The following ARHGAP24 variants were observed in gnomAD, a reference collection of about 807,000 sequenced individuals.
ARHGAP24 encodes Rho GTPase activating protein 24.
In ARHGAP24, 50 loss-of-function variants were observed where a neutral mutation model predicts 76.4. The ratio of observed to expected loss-of-function variants is 0.65; its 90% CI spans 0.52 to 0.83. The LOEUF (loss-of-function observed/expected upper bound fraction) is 0.83, where lower values mean the gene tolerates loss of function less well. Ranked by LOEUF, ARHGAP24 falls within the 40% of genes least tolerant of loss-of-function variation. ARHGAP24 has a pLI of 0.00. For missense variants in ARHGAP24, 930 were observed against 914.2 expected (o/e 1.02, Z -0.22); for synonymous variants, 345 against 323.3 (o/e 1.07, Z -0.72).
chr4:85,838,787 A>G (rs549380859), intron 3 of ARHGAP24, among the ~76,000 whole-genome samples: 64 of 149,432 alleles, frequency 4.3e-4, no homozygotes, highest in Non-Finnish European at 7.0e-4. Flanking sequence ...TCCCTCCCCC[A>G]CTAAGTCCAT....
At chr4:85,596,458 A>T (rs1375379931) in intron 2 of ARHGAP24, among the ~76,000 whole-genome samples, 1 of 152,012 alleles carries the variant, frequency 6.6e-6, no homozygotes, top group Admixed American at 6.6e-5. Context: ...TGTTCCAGTG[A>T]TGTTTGTGTA....
intron 2 of ARHGAP24, among the ~76,000 whole-genome samples, chr4:85,713,863 C>T (rs1484329468): frequency 2.0e-5 from 3 of 152,086 alleles, no homozygotes; most frequent in Non-Finnish European, 4.4e-5. Flanking sequence ...ACAAAGAGCA[C>T]CTCAAGAAAG....
chr4:85,877,257 G>T (rs1349109264), intron 3 of ARHGAP24, among the ~76,000 whole-genome samples: 2 of 152,132 alleles, frequency 1.3e-5, no homozygotes, highest in Non-Finnish European at 2.9e-5. Context: ...GCAGGGTAGT[G>T]TAGGAAAGCA....
In ARHGAP24 at chr4:85,610,443, TCCATCTACAAAAAAAAAAAAAAAAAAA is replaced by T. The variant is rs1248568717; in HGVS notation, c.180+39723_180+39749del. 4.9e-5 allele frequency among the ~76,000 whole-genome samples: 4 copies of T among 81,430 alleles called. No individual in the cohort carries two copies. In the East Asian group the frequency reaches 1.6e-3, roughly 32 times the overall value. The allele number at this position is 81,430 out of a possible 152,430, so 53.4% of individuals were successfully genotyped here. A position where few individuals can be genotyped will look rare whatever the true frequency, so the allele number is the denominator to read the frequency against. On this transcript the variant is annotated intron_variant, in intron 2 of 9. Transcript: ENST00000395184. ...TGGGCCACAGAGTGAGGAGTGAGAC[TCCATCTACAAAAAAAAAAAAAAAAAAA>T]AAAAAAAAAAAAGAAAGCACCCTTA...
intron 1 of ARHGAP24, among the ~76,000 whole-genome samples, chr4:85,532,820 A>G (rs1329686035): frequency 6.6e-6 from 1 of 152,222 alleles, no homozygotes. Context: ...TCCTTAATGT[A>G]TAAACTGCTT....
At position 85,570,572 on chromosome 4, in the gene ARHGAP24, C is replaced by T; in HGVS notation, c.31C>T (p.Pro11Ser). 1.2e-6 allele frequency: 2 copies of T among 1,613,980 alleles called. No homozygotes were observed. The highest frequency in any genetic ancestry group is 1.3e-5 in the African/African-American group (1 of 74,976). MEENNDSTENPQQGQGRQNAI... is the reference protein window; with the variant it reads MEENNDSTENSQQGQGRQNAI... Reference sequence around the variant, plus strand: ...GGAGAACAATGACTCCACGGAGAACCCCCAACAAGGCCAAGGGCGGCAGAA... The same window carrying T: ...GGAGAACAATGACTCCACGGAGAACTCCCAACAAGGCCAAGGGCGGCAGAA... Residue 11 changes from proline to serine, a missense_variant, in exon 2 of 10, where the codon CCC (proline) becomes TCC (serine). Transcript: ENST00000395184.
chr4:85,990,123 TA>T (rs1455446244), intron 8 of ARHGAP24: 2 of 151,798 alleles, frequency 1.3e-5, no homozygotes, highest in Non-Finnish European at 3.0e-5. Context: ...AGTCAATTTA[TA>T]AAACTTTATT....
chr4:85,952,942 G>T (rs1017096841), intron 5 of ARHGAP24, among the ~76,000 whole-genome samples: 4 of 151,928 alleles, frequency 2.6e-5, no homozygotes, highest in African/African-American at 9.7e-5. Flanking sequence ...AGTTTTGAGG[G>T]GACAAAAATG....
chr4:85,827,797 G>A (rs959806090), intron 3 of ARHGAP24: 9 of 690,252 alleles, frequency 1.3e-5, no homozygotes, highest in African/African-American at 5.6e-5. Flanking sequence ...GGAGCGAGCC[G>A]TGGTTTCCAT....
At chr4:85,566,767 A>G in intron 1 of ARHGAP24, among the ~76,000 whole-genome samples, 1 of 152,204 alleles carries the variant, frequency 6.6e-6, no homozygotes, top group East Asian at 1.9e-4. Context: ...AGACATAGCA[A>G]TTTAGAGAAG....
intron 2 of ARHGAP24, among the ~76,000 whole-genome samples, chr4:85,683,125 G>T (rs190877776): frequency 0.014 from 1,504 of 107,756 alleles, 87 homozygotes; most frequent in African/African-American, 0.048. Context: ...GGTGGGGGGG[G>T]GGTGCGGGGG....
In ARHGAP24 at chr4:85,973,664, T is replaced by G. The variant is rs189840528; in HGVS notation, c.733-1224T>G. 1.4e-3 allele frequency among the ~76,000 whole-genome samples: 217 copies of G among 152,218 alleles called. 2 individuals are homozygous for G. The highest frequency in any genetic ancestry group is 3.4e-3 in the Middle Eastern group (1 of 294). ...GACTTCTATAGCTTCGGCTTTTACA[T>G]TTAGAACTATGATTCACTTTGAGTT... On this transcript the variant is annotated intron_variant, in intron 6 of 9. Coordinates refer to ENST00000395184, the MANE Select transcript of ARHGAP24 (RefSeq NM_001025616.3).
chr4:85,687,921 C>T (rs1723488493), intron 2 of ARHGAP24, among the ~76,000 whole-genome samples: 1 of 152,220 alleles, frequency 6.6e-6, no homozygotes, highest in South Asian at 2.1e-4. Context: ...AAGCGATTCT[C>T]CTGCCTCAGC....
At chr4:85,685,993 A>C (rs2110014068) in intron 2 of ARHGAP24, among the ~76,000 whole-genome samples, 1 of 152,288 alleles carries the variant, frequency 6.6e-6, no homozygotes, top group East Asian at 1.9e-4. Context: ...CAGGTCTGGC[A>C]CTTTGGTGCA....
intron 1 of ARHGAP24, among the ~76,000 whole-genome samples, chr4:85,518,567 C>T (rs1724611593): frequency 6.6e-6 from 1 of 152,022 alleles, no homozygotes; most frequent in Non-Finnish European, 1.5e-5. Context: ...ATTCTTTTGC[C>T]TTTGCGTCCT....
chr4:85,669,631 C>A (rs1578126963), intron 2 of ARHGAP24, among the ~76,000 whole-genome samples: 2 of 133,050 alleles, frequency 1.5e-5, no homozygotes, highest in East Asian at 2.0e-4. Context: ...ACTGCATTGA[C>A]CCTGTACTTT....
At chr4:85,517,084 A>C (rs1193348465) in intron 1 of ARHGAP24, among the ~76,000 whole-genome samples, 1 of 152,106 alleles carries the variant, frequency 6.6e-6, no homozygotes, top group Non-Finnish European at 1.5e-5. Context: ...TTTCCACAGC[A>C]CTTGGTCCAT....
chr4:85,966,131 G>T (rs1177607275), intron 5 of ARHGAP24, among the ~76,000 whole-genome samples: 2 of 152,108 alleles, frequency 1.3e-5, no homozygotes, highest in African/African-American at 4.8e-5. Flanking sequence ...CTTGGACAAG[G>T]GGAGAGAGAA....
chr4:85,784,125 A>T (rs74563382), intron 3 of ARHGAP24, among the ~76,000 whole-genome samples: 1 of 152,198 alleles, frequency 6.6e-6, no homozygotes, highest in East Asian at 1.9e-4. Context: ...GAGGTTGCTC[A>T]TGATGGCTGA....
Sources: allele counts gnomAD v4.1 joint callset (sites outside exome capture counted in the v4.1 genomes callset), GRCh38; gene constraint gnomAD v4.1.1; transcripts MANE v1.5; gene names NCBI Gene and HGNC (gene_info 2026-07-23, HGNC 2026-07-21).